Variants in CPPED1 observed in about 807,000 individuals in gnomAD.
CPPED1 encodes the protein serine/threonine-protein phosphatase CPPED1.
Under a neutral mutation model 28.0 loss-of-function variants are expected in CPPED1, and 28 were observed. The ratio of observed to expected loss-of-function variants is 1.00; its 90% CI spans 0.74 to 1.37. The LOEUF is 1.37. Ranked by LOEUF, CPPED1 falls within the 40% of genes most tolerant of loss-of-function variation. CPPED1 has a pLI of 0.00. For synonymous variants in CPPED1, 198 were observed against 180.2 expected (o/e 1.10, Z -0.79); for missense variants, 504 against 416.5 (o/e 1.21, Z -1.83).
intron 1 of CPPED1, among the ~76,000 whole-genome samples, chr16:12,786,112 C>A (rs72780914): frequency 0.044 from 6,724 of 152,294 alleles, 184 homozygotes; most frequent in Middle Eastern, 0.11. Context: ...TACCTGACAG[C>A]AGAAAGCAGC....
intron 2 of CPPED1, among the ~76,000 whole-genome samples, chr16:12,706,356 T>C (rs1314015924): frequency 1.3e-5 from 2 of 148,712 alleles, no homozygotes; most frequent in Non-Finnish European, 3.0e-5. Flanking sequence ...TTATATTAGG[T>C]TGGTGCAAAA....
At chr16:12,774,841 A>C in intron 2 of CPPED1, among the ~76,000 whole-genome samples, 1 of 151,992 alleles carries the variant, frequency 6.6e-6, no homozygotes, top group Middle Eastern at 3.2e-3. Flanking sequence ...TGTTTGTTTG[A>C]GACAGGGTCT....
chr16:12,701,690 C>T (rs567798493), intron 3 of CPPED1, among the ~76,000 whole-genome samples: 75 of 152,296 alleles, frequency 4.9e-4, no homozygotes, highest in Non-Finnish European at 7.6e-4. Context: ...GTCAGTTACA[C>T]ACCCATCTTG....
chr16:12,762,956 C>T (rs373261923), intron 2 of CPPED1, among the ~76,000 whole-genome samples: 11 of 151,944 alleles, frequency 7.2e-5, no homozygotes, highest in Admixed American at 2.0e-4. Flanking sequence ...GCGCCGGGCA[C>T]GGTGGCTCAC....
chr16:12,719,251 T>G (rs1236909899), intron 2 of CPPED1, among the ~76,000 whole-genome samples: 1 of 151,574 alleles, frequency 6.6e-6, no homozygotes, highest in Non-Finnish European at 1.5e-5. Context: ...ATTAGCCAGG[T>G]GCGGTGGCGG....
chr16:12,782,252 A>C (rs1376553908), intron 1 of CPPED1, among the ~76,000 whole-genome samples: 1 of 152,138 alleles, frequency 6.6e-6, no homozygotes, highest in Non-Finnish European at 1.5e-5. Flanking sequence ...TGTGGGTTTC[A>C]CTTTTTAAAA....
At chr16:12,772,587 G>A (rs1050091874) in intron 2 of CPPED1, among the ~76,000 whole-genome samples, 1 of 151,950 alleles carries the variant, frequency 6.6e-6, no homozygotes. Context: ...AGTCTCTTTG[G>A]TCCCAATAGA....
chr16:12,729,643 G>C (rs1195065867), intron 2 of CPPED1, among the ~76,000 whole-genome samples: 4 of 152,208 alleles, frequency 2.6e-5, no homozygotes, highest in Non-Finnish European at 5.9e-5. Flanking sequence ...GGAAACACAA[G>C]GGTATTCTGT....
chr16:12,727,024 A>T (rs72779059), intron 2 of CPPED1, among the ~76,000 whole-genome samples: 23,118 of 152,002 alleles, frequency 0.15, 1,943 homozygotes, highest in Admixed American at 0.18. Flanking sequence ...ATTTCTAAGG[A>T]CCATCCTCAC....
intron 3 of CPPED1, among the ~76,000 whole-genome samples, chr16:12,676,389 C>A (rs1169752359): frequency 6.6e-6 from 1 of 152,180 alleles, no homozygotes; most frequent in African/African-American, 2.4e-5. Flanking sequence ...CGACATCACT[C>A]AGCAGCGTTT....
At chr16:12,735,432 G>T (rs918366484) in intron 2 of CPPED1, among the ~76,000 whole-genome samples, 1 of 152,226 alleles carries the variant, frequency 6.6e-6, no homozygotes, top group Non-Finnish European at 1.5e-5. Context: ...AGCCTCCTGA[G>T]TAGATGGGAT....
chr16:12,737,663 C>A (rs1014676164), intron 2 of CPPED1, among the ~76,000 whole-genome samples: 3 of 152,166 alleles, frequency 2.0e-5, no homozygotes, highest in African/African-American at 7.2e-5. Flanking sequence ...CTCTTGCCCC[C>A]CTGAAGAATT....
rs2080506915 is a variant in CPPED1 at position 12,777,902 on chromosome 16, TC to T, written c.289+3282del. 2.5e-5 allele frequency among the ~76,000 whole-genome samples: 3 copies of T among 118,584 alleles called. No homozygotes were observed. In the South Asian group the frequency reaches 8.8e-4, roughly 35 times the overall value. 77.8% of individuals were successfully genotyped at this position (118,584 alleles called of 152,430 possible). ...AAATGAAAGTTCTTTTTTTCTATTTTCTTTTTTTTTTTTTTTTCTTTTTTTG... is the reference window on the plus strand; with the variant it reads ...AAATGAAAGTTCTTTTTTTCTATTTTTTTTTTTTTTTTTTTTCTTTTTTTG... On this transcript the variant is annotated intron_variant, in intron 2 of 3. Transcript: ENST00000381774.
chr16:12,803,745 T>C lies in CPPED1; in HGVS notation c.32A>G (p.His11Arg). MSAAEAGGVF[H>R]RARGRTLAAF... is the part of the protein sequence containing the mutation. ...GGCCAGGGTCCTGCCCCTGGCTCTG[T>C]GGAAAACACCCCCCGCCTCTGCAGC... The change falls in exon 1 of 4, where the codon CAC becomes CGC. Residue 11 changes from histidine (H) to arginine (R), a missense_variant. Coordinates refer to ENST00000381774, the MANE Select transcript of CPPED1 (RefSeq NM_018340.3). 1 of 1,595,510 alleles carries C rather than the reference T, an allele frequency of 6.3e-7. No individual in the cohort carries two copies.
chr16:12,705,135 T>A lies in CPPED1; in HGVS notation c.290-86A>T, dbSNP rs115465506. The stretch of plus-strand genomic sequence containing the variant: ...CTTAAGTACTTACTAACATAAAATT[T>A]AAAAAAAGAGTAATCTGGAAATCCA... On this transcript the variant is annotated intron_variant, in intron 2 of 3. Transcript: ENST00000381774. The A allele has an allele frequency of 0.023, 31,829 of 1,366,544 alleles. 682 individuals are homozygous for A. The highest frequency in any genetic ancestry group is 0.11 in the East Asian group (4,568 of 41,914). The allele number at this position is 1,366,544 out of a possible 1,614,324, so 84.7% of individuals were successfully genotyped here. A position where few individuals can be genotyped will look rare whatever the true frequency, so the allele number is the denominator to read the frequency against.
chr16:12,699,727 T>G (rs893178347), intron 3 of CPPED1, among the ~76,000 whole-genome samples: 1 of 152,146 alleles, frequency 6.6e-6, no homozygotes, highest in African/African-American at 2.4e-5. Context: ...TGACATATTT[T>G]TGAGTACTGG....
chr16:12,683,822 C>T (rs956589838), intron 3 of CPPED1, among the ~76,000 whole-genome samples: 2 of 152,186 alleles, frequency 1.3e-5, no homozygotes, highest in Non-Finnish European at 2.9e-5. Context: ...TTGTGCTTAA[C>T]TATGATTTAT....
intron 2 of CPPED1, among the ~76,000 whole-genome samples, chr16:12,758,033 G>A (rs994121049): frequency 6.6e-6 from 1 of 152,024 alleles, no homozygotes; most frequent in East Asian, 2.0e-4. Context: ...TTCTGAATAA[G>A]AGCTGGAGAG....
chr16:12,747,273 A>AT (rs1460822998), intron 2 of CPPED1, among the ~76,000 whole-genome samples: 5 of 151,814 alleles, frequency 3.3e-5, no homozygotes, highest in African/African-American at 1.2e-4. Context: ...CTCTATAAAA[A>AT]GTACACAAAT....
Sources: allele counts gnomAD v4.1 joint callset (sites outside exome capture counted in the v4.1 genomes callset), GRCh38; gene constraint gnomAD v4.1.1; transcripts MANE v1.5; gene names NCBI Gene and HGNC (gene_info 2026-07-23, HGNC 2026-07-21).